COL19A1: variants seen among roughly 807,000 people sequenced by gnomAD.
COL19A1 encodes the protein collagen type XIX alpha 1 chain, also known as collagen alpha-1(XIX) chain.
In COL19A1, 159 loss-of-function variants were observed where a neutral mutation model predicts 190.2. The observed-to-expected ratio is 0.84, with a 90% CI of 0.73 to 0.95. The LOEUF (loss-of-function observed/expected upper bound fraction) is 0.95. Among genes scored for constraint, COL19A1 ranks in the 40% least tolerant of loss-of-function variants. The pLI is 0.00. For synonymous variants in COL19A1, 509 were observed against 458.9 expected (o/e 1.11, Z -1.39); for missense variants, 1,418 against 1,431.9 (o/e 0.99, Z 0.16).
intron 14 of COL19A1, among the ~76,000 whole-genome samples, chr6:70,061,761 T>A (rs1780842205): frequency 6.6e-6 from 1 of 152,092 alleles, no homozygotes; most frequent in East Asian, 1.9e-4. Context: ...ATATATTAGT[T>A]TGACTATTCA....
chr6:70,127,269 T>C (rs372823589), intron 17 of COL19A1, among the ~76,000 whole-genome samples: 2 of 152,122 alleles, frequency 1.3e-5, no homozygotes, highest in East Asian at 3.9e-4. Context: ...TGCAGAGATT[T>C]GAAGGTGATA....
intron 11 of COL19A1, among the ~76,000 whole-genome samples, chr6:69,977,685 C>T (rs1775799395): frequency 1.3e-5 from 2 of 151,670 alleles, no homozygotes; most frequent in Non-Finnish European, 2.9e-5. Flanking sequence ...TTTTATTATT[C>T]TTGCAATTTA....
In COL19A1 at chr6:69,929,718, T is replaced by C; in HGVS notation, c.666+18T>C. 1 of 1,571,652 alleles carries C rather than the reference T, an allele frequency of 6.4e-7. No individual in the cohort carries two copies. The highest frequency in any genetic ancestry group is 8.6e-7 in the Non-Finnish European group (1 of 1,163,110). ...CTGTGGATGTAAGTTGTGATGTTAG[T>C]TGTGAAAGAGAACTAAAATTTCTAA... is the stretch of plus-strand genomic sequence containing the variant. On this transcript the variant is annotated intron_variant, in intron 6 of 50. Transcript: ENST00000620364.
intron 14 of COL19A1, among the ~76,000 whole-genome samples, chr6:70,059,594 C>T (rs1397144786): frequency 2.0e-5 from 3 of 152,154 alleles, no homozygotes; most frequent in Non-Finnish European, 4.4e-5. Context: ...TCCACTGGAA[C>T]TTAAAATGGT....
chr6:70,122,074 T>C (rs1784917218), intron 17 of COL19A1, 132 bp downstream of exon 17: 1 of 540,840 alleles, frequency 1.8e-6, no homozygotes, highest in South Asian at 3.3e-5. Flanking sequence ...CATCTTTCCA[T>C]ACTGAAAGCT....
chr6:70,066,466 G>A (rs71536492), intron 14 of COL19A1, among the ~76,000 whole-genome samples: 35 of 152,080 alleles, frequency 2.3e-4, no homozygotes, highest in African/African-American at 8.4e-4. Flanking sequence ...GGGGAGTGGG[G>A]AGGGATAGCA....
At chr6:70,165,452 C>T (rs919312043) in intron 36 of COL19A1, among the ~76,000 whole-genome samples, 7 of 152,108 alleles carry the variant, frequency 4.6e-5, no homozygotes, top group Non-Finnish European at 1.0e-4. Flanking sequence ...ATGAAGTTTC[C>T]CTCCTGCAGA....
intron 16 of COL19A1, among the ~76,000 whole-genome samples, chr6:70,104,222 T>A (rs1003932200): frequency 6.6e-6 from 1 of 152,158 alleles, no homozygotes; most frequent in Non-Finnish European, 1.5e-5. Context: ...ATTCTCATAC[T>A]GCTATGAAGA....
In COL19A1 at chr6:69,954,813, G is replaced by C. The variant is rs550899117; in HGVS notation, c.937-5183G>C. Among the ~76,000 whole-genome samples the C allele has an allele frequency of 2.0e-3, 305 of 152,120 alleles. 1 individual carries two copies. The highest frequency in any genetic ancestry group is 7.0e-3 in the African/African-American group (290 of 41,522). On this transcript the variant is annotated intron_variant, in intron 9 of 50. Transcript: ENST00000620364. ...CATAACCATTTACTTCAGGGCTAAAGATAAGTAACCAATGGCTTCAGTACA... is the reference window on the plus strand; with the variant it reads ...CATAACCATTTACTTCAGGGCTAAACATAAGTAACCAATGGCTTCAGTACA...
rs79686277 is a variant in COL19A1, at chr6:70,180,854, A to T, written c.2775+331A>T. On this transcript the variant is annotated intron_variant, in intron 44 of 50. Transcript: ENST00000620364. ...GTCCTAAAGTATAAAGAAACCAAAG[A>T]CTTATAGATATAATACCTGTATGTT... Among the ~76,000 whole-genome samples, 1,184 of 152,340 alleles carry T rather than the reference A, an allele frequency of 7.8e-3. 3 individuals carry two copies. The highest frequency in any genetic ancestry group is 0.014 in the Middle Eastern group (4 of 294).
At chr6:70,006,392 G>T (rs76734341) in intron 11 of COL19A1, among the ~76,000 whole-genome samples, 2 of 152,166 alleles carry the variant, frequency 1.3e-5, no homozygotes, top group African/African-American at 2.4e-5. Context: ...CCTTGGCTGG[G>T]GGGTGAGGGC....
intron 16 of COL19A1, among the ~76,000 whole-genome samples, chr6:70,114,409 T>C (rs1441481959): frequency 4.6e-5 from 7 of 152,228 alleles, no homozygotes; most frequent in Non-Finnish European, 8.8e-5. Flanking sequence ...ACTATTTATA[T>C]GACCTTGAGT....
At chr6:70,115,664 T>C (rs2150204528) in intron 16 of COL19A1, among the ~76,000 whole-genome samples, 1 of 152,222 alleles carries the variant, frequency 6.6e-6, no homozygotes, top group Non-Finnish European at 1.5e-5. Flanking sequence ...TTCTCTAGGG[T>C]GACCCATTTA....
In COL19A1 at chr6:70,207,320, T is replaced by G; in HGVS notation, c.*46T>G. 6.4e-7 allele frequency: 1 copy of G among 1,559,608 alleles called. No individual in the cohort carries two copies. Among genetic ancestry groups the G allele is most frequent in the African/African-American group, 1.4e-5 (1 of 72,688 alleles). Reference sequence around the variant, plus strand: ...GTTCCTGGTAACATTTCCTTGCCACTGGAGCTCTCTTAATACCGTCAAACC... The same window carrying G: ...GTTCCTGGTAACATTTCCTTGCCACGGGAGCTCTCTTAATACCGTCAAACC... On this transcript the variant is annotated 3_prime_UTR_variant, in exon 51 of 51. Transcript: ENST00000620364.
At chr6:69,980,829 C>T (rs1429844278) in intron 11 of COL19A1, among the ~76,000 whole-genome samples, 1 of 152,186 alleles carries the variant, frequency 6.6e-6, no homozygotes, top group Non-Finnish European at 1.5e-5. Flanking sequence ...GGCTTTACAG[C>T]CATTAGCCTG....
chr6:70,062,053 T>C (rs771572921), intron 14 of COL19A1, among the ~76,000 whole-genome samples: 4 of 152,068 alleles, frequency 2.6e-5, no homozygotes, highest in Non-Finnish European at 5.9e-5. Context: ...TTTTCCCTTT[T>C]TTTTCCTACC....
intron 11 of COL19A1, among the ~76,000 whole-genome samples, chr6:69,986,090 G>A (rs1002917548): frequency 1.8e-4 from 27 of 151,850 alleles, no homozygotes; most frequent in South Asian, 1.5e-3. Context: ...TTTTCAGTAA[G>A]ACAGTCTACA....
At chr6:70,090,380 A>G (rs1782837605) in intron 15 of COL19A1, among the ~76,000 whole-genome samples, 1 of 152,174 alleles carries the variant, frequency 6.6e-6, no homozygotes, top group African/African-American at 2.4e-5. Context: ...ACAACTATTT[A>G]CATGGCATTT....
chr6:70,155,853 T>C (rs1326784878), intron 31 of COL19A1, among the ~76,000 whole-genome samples: 1 of 152,176 alleles, frequency 6.6e-6, no homozygotes, highest in Non-Finnish European at 1.5e-5. Flanking sequence ...CCTTATTTAT[T>C]TGGAATTTTC....
Sources: allele counts gnomAD v4.1 joint callset (sites outside exome capture counted in the v4.1 genomes callset), GRCh38; gene constraint gnomAD v4.1.1; transcripts MANE v1.5; gene names NCBI Gene and HGNC (gene_info 2026-07-23, HGNC 2026-07-21).